TRPM1: variants seen among roughly 807,000 people sequenced by gnomAD.
TRPM1 encodes the protein transient receptor potential cation channel subfamily M member 1, also known as TRPM1-203 APA Isoform, Intron 10.
In TRPM1, 113 loss-of-function variants were observed where a neutral mutation model predicts 149.4. The observed-to-expected ratio is 0.76, with a 90% CI of 0.65 to 0.88. The LOEUF is 0.88. Ranked by LOEUF, TRPM1 falls within the 40% of genes least tolerant of loss-of-function variation. The pLI, the probability that TRPM1 is intolerant of heterozygous loss-of-function variation, is 0.00. For synonymous variants in TRPM1, 741 were observed against 759.5 expected (o/e 0.98, Z 0.40); for missense variants, 1,976 against 2,038.7 (o/e 0.97, Z 0.59).
Position 31,002,926 on chromosome 15 carries a change from T to G in TRPM1, c.3774A>C (p.Gly1258=), listed in dbSNP as rs764709716. Residue 1258 remains glycine, a synonymous_variant, in exon 28 of 28, where the codon GGA becomes GGC. Coordinates refer to ENST00000256552, the MANE Select transcript of TRPM1 (RefSeq NM_001252024.2). ...RMVNALENLA[G]IDRSDLIQAR... ...CCTGGATCAGGTCAGACCTGTCGATTCCCGCAAGATTTTCAAGAGCATTCA... is the reference window on the plus strand; with the variant it reads ...CCTGGATCAGGTCAGACCTGTCGATGCCCGCAAGATTTTCAAGAGCATTCA... 7 of 1,603,768 alleles carry G rather than the reference T, an allele frequency of 4.4e-6. No individual in the cohort carries two copies. In the East Asian group the frequency reaches 1.6e-4, roughly 36 times the overall value.
In TRPM1 at chr15:31,026,106, C is replaced by T. The variant is rs1412496941; in HGVS notation, c.3629+33G>A. The T allele has an allele frequency of 3.1e-6, 5 of 1,607,938 alleles. No homozygotes were observed. In the South Asian group the frequency reaches 4.4e-5, roughly 14 times the overall value. On this transcript the variant is annotated intron_variant, in intron 27 of 27. Coordinates refer to ENST00000256552, the MANE Select transcript of TRPM1 (RefSeq NM_001252024.2). ...GGCGCCCGAGTCAGCAAACCCTTGGCTCACGGGCCCGCGGTGGGGACGCTA... is the reference window on the plus strand; with the variant it reads ...GGCGCCCGAGTCAGCAAACCCTTGGTTCACGGGCCCGCGGTGGGGACGCTA...
intron 27 of TRPM1, among the ~76,000 whole-genome samples, chr15:31,017,306 C>T (rs915445815): frequency 6.6e-6 from 1 of 152,132 alleles, no homozygotes; most frequent in Non-Finnish European, 1.5e-5. Flanking sequence ...AAGACTCTGT[C>T]TCAAAATACA....
Position 31,084,184 on chromosome 15 carries a change from T to C in TRPM1, c.-83-2746A>G, listed in dbSNP as rs559465967. On this transcript the variant is annotated intron_variant, in intron 1 of 27. Transcript: ENST00000256552. ...TTAAAGACAGTGATATTTTTCTTTG[T>C]ACTTTCTTTTTTAAAAATCGAGATA... 2.0e-5 allele frequency among the ~76,000 whole-genome samples: 3 copies of C among 152,332 alleles called. No individual in the cohort carries two copies. The East Asian group carries it at 5.8e-4, about 29-fold the overall frequency.
chr15:31,098,011 T>C (rs906523668), intron 1 of TRPM1, among the ~76,000 whole-genome samples: 1 of 152,258 alleles, frequency 6.6e-6, no homozygotes, highest in African/African-American at 2.4e-5. Flanking sequence ...TATATTGTGT[T>C]AAATGAATTA....
intron 11 of TRPM1, among the ~76,000 whole-genome samples, chr15:31,051,206 GC>G (rs1417391103): frequency 6.6e-6 from 1 of 152,182 alleles, no homozygotes; most frequent in Non-Finnish European, 1.5e-5. Context: ...AGTAGGCCTG[GC>G]CCCGTGGCCT....
At chr15:31,008,779 C>T (rs529919818) in intron 27 of TRPM1, among the ~76,000 whole-genome samples, 1 of 152,174 alleles carries the variant, frequency 6.6e-6, no homozygotes, top group East Asian at 1.9e-4. Flanking sequence ...GTATACATAG[C>T]ATCAGTATTT....
intron 1 of TRPM1, among the ~76,000 whole-genome samples, chr15:31,120,993 T>C (rs2035867727): frequency 6.6e-6 from 1 of 151,444 alleles, no homozygotes; most frequent in Non-Finnish European, 1.5e-5. Flanking sequence ...CTTTGGGAGG[T>C]CAAGGTGGGC....
At position 31,037,567 on chromosome 15, in the gene TRPM1, A is replaced by G; in HGVS notation, c.2571+144T>C. The G allele has an allele frequency of 2.6e-6, 3 of 1,150,794 alleles. No homozygotes were observed. The South Asian group carries it at 4.1e-5, about 16-fold the overall frequency. 71.3% of individuals were successfully genotyped at this position (1,150,794 alleles called of 1,614,324 possible). A position where few individuals can be genotyped will look rare whatever the true frequency, so the allele number is the denominator to read the frequency against. On this transcript the variant is annotated intron_variant, in intron 20 of 27. Coordinates refer to ENST00000256552, the MANE Select transcript of TRPM1 (RefSeq NM_001252024.2). ...GATCCAATGTTAGCCAGAGATCTCA[A>G]TTAGTCCCAGTTTTGTTCTCATAAT... is the stretch of plus-strand genomic sequence containing the variant.
chr15:31,108,606 G>A (rs560798314), intron 1 of TRPM1, among the ~76,000 whole-genome samples: 31 of 152,180 alleles, frequency 2.0e-4, no homozygotes, highest in Middle Eastern at 3.2e-3. Context: ...TGATTCTCCG[G>A]CCTCAGCCTG....
chr15:31,055,380 T>C (rs2140946928), intron 11 of TRPM1, among the ~76,000 whole-genome samples: 1 of 152,214 alleles, frequency 6.6e-6, no homozygotes, highest in East Asian at 1.9e-4. Flanking sequence ...TCTGGAAGCA[T>C]TGAAGGACCA....
chr15:31,043,129 G>A (rs569845582), intron 16 of TRPM1, among the ~76,000 whole-genome samples: 62 of 152,314 alleles, frequency 4.1e-4, no homozygotes, highest in African/African-American at 1.4e-3. Context: ...AGCATGGGGA[G>A]TTATAGGAGG....
intron 3 of TRPM1, among the ~76,000 whole-genome samples, chr15:31,074,011 T>G (rs1277705327): frequency 6.6e-6 from 1 of 152,142 alleles, no homozygotes; most frequent in Non-Finnish European, 1.5e-5. Flanking sequence ...TATTTATTTT[T>G]CTAATGTAAA....
chr15:31,019,922 G>A (rs2032499589), intron 27 of TRPM1, among the ~76,000 whole-genome samples: 1 of 152,202 alleles, frequency 6.6e-6, no homozygotes, highest in Non-Finnish European at 1.5e-5. Flanking sequence ...GCCCACCTCG[G>A]CCTCCCAAAG....
At chr15:31,089,010 A>C (rs1313402359) in intron 1 of TRPM1, among the ~76,000 whole-genome samples, 4 of 152,062 alleles carry the variant, frequency 2.6e-5, no homozygotes, top group Admixed American at 2.6e-4. Flanking sequence ...ATTTAGGGTG[A>C]GGCAAGTGAG....
intron 27 of TRPM1, among the ~76,000 whole-genome samples, chr15:31,004,568 A>G (rs2031913379): frequency 6.6e-6 from 1 of 151,974 alleles, no homozygotes; most frequent in South Asian, 2.1e-4. Context: ...ATTTATATGT[A>G]CTATAGGAAA....
chr15:31,117,189 A>C (rs148152809), intron 1 of TRPM1, among the ~76,000 whole-genome samples: 3,269 of 152,202 alleles, frequency 0.021, 116 homozygotes, highest in African/African-American at 0.076. Flanking sequence ...ATCTCTACTA[A>C]AAATACAAAA....
intron 11 of TRPM1, among the ~76,000 whole-genome samples, chr15:31,056,375 T>C (rs1226058054): frequency 6.6e-6 from 1 of 152,232 alleles, no homozygotes; most frequent in Non-Finnish European, 1.5e-5. Context: ...GTTTGTATTC[T>C]CTATACACTT....
intron 1 of TRPM1, among the ~76,000 whole-genome samples, chr15:31,088,734 A>ATTC (rs1462131110): frequency 6.7e-6 from 1 of 150,014 alleles, no homozygotes; most frequent in Non-Finnish European, 1.5e-5. Context: ...AAGCGGCGGT[A>ATTC]TTCGTCTTCC....
At chr15:31,090,769 T>TA (rs974456723) in intron 1 of TRPM1, among the ~76,000 whole-genome samples, 41 of 152,108 alleles carry the variant, frequency 2.7e-4, no homozygotes, top group Middle Eastern at 3.4e-3. Context: ...GCTCTTTTTT[T>TA]AAAAAAAATA....
Sources: gnomAD v4.1 joint callset for allele counts (sites outside exome capture counted in the v4.1 genomes callset) on GRCh38, gnomAD v4.1.1 for gene constraint, MANE v1.5 for transcripts, NCBI Gene and HGNC (gene_info 2026-07-23, HGNC 2026-07-21) for gene names.